The following GLIS3 variants were observed in gnomAD, a reference collection of about 807,000 sequenced individuals.
GLIS3 encodes GLIS family zinc finger 3.
GLIS3 carries 53 observed loss-of-function variants against 78.6 expected under a neutral mutation model. The observed-to-expected ratio is 0.67, with a 90% CI of 0.54 to 0.85. The LOEUF is 0.85. GLIS3 is among the 40% of genes least tolerant of loss of function. GLIS3 has a pLI of 0.00. For missense variants in GLIS3, 1,703 were observed against 1,231.1 expected, an observed-to-expected ratio of 1.38 and a Z score of -5.74; for synonymous variants, 684 against 509.9, an observed-to-expected ratio of 1.34 and a Z score of -4.60.
chr9:4,118,220 G>A lies in GLIS3; in HGVS notation c.1258C>T (p.Pro420Ser), dbSNP rs1243201070. 1.2e-5 allele frequency: 19 copies of A among 1,584,316 alleles called. No homozygotes were observed. The highest frequency in any genetic ancestry group is 2.3e-5 in the East Asian group (1 of 44,010). ...AACAGGCCGGCCGACTGGCTGTCGG[G>A]GCCCGGCAGGCCATGCTGCACCACC... is the stretch of plus-strand genomic sequence containing the variant. ...HMVVQHGLPG[P>S]DSQSAGLFKT... The change falls in exon 4 of 11, where the codon CCC becomes TCC. Residue 420 changes from proline to serine, a missense_variant. Pro to Ser is a moderately conservative substitution (Grantham distance 74). Transcript: ENST00000381971. This position sits in a 1 kb window ranked among gnomAD's most constrained non-coding sequence, Gnocchi z 4.7.
At chr9:4,216,466 C>A (rs540142613) in intron 2 of GLIS3, among the ~76,000 whole-genome samples, 13 of 133,368 alleles carry the variant, frequency 9.7e-5, no homozygotes, top group African/African-American at 3.2e-4. Context: ...GGTGACAGAG[C>A]GAGACTCTGT....
chr9:4,429,070 T>C, the GLIS3 span, among the ~76,000 whole-genome samples: 6 of 152,188 alleles, frequency 3.9e-5, no homozygotes, highest in African/African-American at 1.4e-4. Context: ...TGGTACCATA[T>C]AAAATTGCTA....
At chr9:4,316,733 A>G (rs10814925) in intron 2 of GLIS3, among the ~76,000 whole-genome samples, 71,199 of 152,044 alleles carry the variant, frequency 0.47, 19,001 homozygotes, top group African/African-American at 0.75. Context: ...TGCTGGGATA[A>G]GCTTCGACCA....
At chr9:3,860,109 A>T (rs930258776) in intron 8 of GLIS3, among the ~76,000 whole-genome samples, 57 of 151,998 alleles carry the variant, frequency 3.8e-4, no homozygotes, top group African/African-American at 1.4e-3. Flanking sequence ...GTCTGTCTCT[A>T]CTAAAGATAC....
At chr9:4,224,480 T>C (rs1024606034) in intron 2 of GLIS3, among the ~76,000 whole-genome samples, 9 of 152,226 alleles carry the variant, frequency 5.9e-5, no homozygotes, top group Admixed American at 1.3e-4. Flanking sequence ...CACTATCTTG[T>C]GTCTCATCAT....
intron 4 of GLIS3, among the ~76,000 whole-genome samples, chr9:3,991,691 T>A (rs1029464578): frequency 0.032 from 4,267 of 131,720 alleles, 252 homozygotes; most frequent in African/African-American, 0.12. Flanking sequence ...TGATTTTTTT[T>A]TTTTTTTTTT....
intron 4 of GLIS3, among the ~76,000 whole-genome samples, chr9:3,986,794 C>A (rs1819773631): frequency 6.6e-6 from 1 of 152,254 alleles, no homozygotes; most frequent in Non-Finnish European, 1.5e-5. Context: ...CTTGGAAGCA[C>A]AGCCCACTAA....
At chr9:3,983,089 C>T (rs1819435293) in intron 4 of GLIS3, among the ~76,000 whole-genome samples, 1 of 152,156 alleles carries the variant, frequency 6.6e-6, no homozygotes, top group Non-Finnish European at 1.5e-5. Flanking sequence ...TCCCATAACT[C>T]CAATGTGTCA....
chr9:4,346,507 A>G (rs1031042060), intron 2 of GLIS3, among the ~76,000 whole-genome samples: 6 of 152,228 alleles, frequency 3.9e-5, no homozygotes, highest in African/African-American at 1.4e-4. Flanking sequence ...TATATCCATT[A>G]TTCATAAGTG....
chr9:4,298,505 G>T, intron 1 of GLIS3: 2 of 437,126 alleles, frequency 4.6e-6, no homozygotes, highest in Admixed American at 4.9e-5. Context: ...CTGTCGCTCG[G>T]GGCAAGGTGT....
the GLIS3 span, among the ~76,000 whole-genome samples, chr9:4,365,790 C>T: frequency 2.0e-5 from 3 of 152,148 alleles, no homozygotes; most frequent in South Asian, 4.1e-4. Flanking sequence ...GGAAAAATCA[C>T]GTTATGCTTC....
At chr9:3,849,287 A>G (rs1285888122) in intron 9 of GLIS3, among the ~76,000 whole-genome samples, 2 of 152,234 alleles carry the variant, frequency 1.3e-5, no homozygotes, top group African/African-American at 2.4e-5. Context: ...AAACCATCCT[A>G]GAGTGTTTGG....
chr9:3,987,162 A>C (rs1179500918), intron 4 of GLIS3, among the ~76,000 whole-genome samples: 2 of 152,312 alleles, frequency 1.3e-5, no homozygotes, highest in Non-Finnish European at 2.9e-5. Context: ...TTATAATAAT[A>C]AAATAATAGT....
intron 2 of GLIS3, among the ~76,000 whole-genome samples, chr9:4,173,501 C>T (rs1816550771): frequency 6.6e-6 from 1 of 151,908 alleles, no homozygotes. Flanking sequence ...CAGATGTTCA[C>T]ATTCTAATTA....
At chr9:4,297,727 C>G (rs1031074344) in intron 1 of GLIS3, among the ~76,000 whole-genome samples, 1 of 152,166 alleles carries the variant, frequency 6.6e-6, no homozygotes, top group African/African-American at 2.4e-5. Flanking sequence ...AAGCGGATAC[C>G]GGGGCAAACT....
chr9:4,454,738 C>T, the GLIS3 span, among the ~76,000 whole-genome samples: 9 of 152,176 alleles, frequency 5.9e-5, no homozygotes, highest in Non-Finnish European at 8.8e-5. Flanking sequence ...TGTTCCAGGT[C>T]GGGACAGTTA....
chr9:4,424,884 T>C, the GLIS3 span, among the ~76,000 whole-genome samples: 2 of 151,814 alleles, frequency 1.3e-5, no homozygotes, highest in African/African-American at 4.8e-5. Flanking sequence ...TAATTAGAGA[T>C]TTTCTGATGA....
At chr9:4,144,327 A>G (rs1834043178) in intron 2 of GLIS3, among the ~76,000 whole-genome samples, 1 of 152,236 alleles carries the variant, frequency 6.6e-6, no homozygotes, top group Non-Finnish European at 1.5e-5. Context: ...AAACTTGGCA[A>G]ATACAAAGTG....
chr9:3,967,125 G>A (rs937715777), intron 4 of GLIS3, among the ~76,000 whole-genome samples: 1 of 149,564 alleles, frequency 6.7e-6, no homozygotes, highest in African/African-American at 2.5e-5. Flanking sequence ...AGTCCAGTAA[G>A]GATCTCTATC....
Sources: gnomAD v4.1 joint callset for allele counts (sites outside exome capture counted in the v4.1 genomes callset) on GRCh38, gnomAD v4.1.1 for gene constraint, Gnocchi (gnomAD v3.1) non-coding constraint, MANE v1.5 for transcripts, NCBI Gene and HGNC (gene_info 2026-07-23, HGNC 2026-07-21) for gene names.